CTBP2: variants seen among roughly 807,000 people sequenced by gnomAD.
The protein encoded by CTBP2 is C-terminal-binding protein 2.
A neutral mutation model predicts 80.3 loss-of-function variants in CTBP2; 30 were observed. That is an observed-to-expected ratio of 0.37 (90% CI 0.28 to 0.51). The LOEUF is 0.51. CTBP2 is among the 20% of genes least tolerant of loss of function. The probability of loss-of-function intolerance (pLI) is 0.93; values close to 1 mark genes in which losing one functional copy is unlikely to be tolerated. For missense variants in CTBP2, 1,212 were observed against 1,375.3 expected (o/e 0.88, Z 1.88); for synonymous variants, 594 against 587.4 (o/e 1.01, Z -0.16).
At chr10:125,081,672 G>GA (rs79501553) in intron 2 of CTBP2, among the ~76,000 whole-genome samples, 17 of 146,800 alleles carry the variant, frequency 1.2e-4, no homozygotes, top group East Asian at 3.9e-4. Context: ...AAGTTAAAGG[G>GA]AAAAAAAAAA....
chr10:125,062,596 G>A (rs2135364332), intron 2 of CTBP2, among the ~76,000 whole-genome samples: 1 of 152,302 alleles, frequency 6.6e-6, no homozygotes, highest in South Asian at 2.1e-4. Flanking sequence ...GGGTGCGGTA[G>A]CTCACACCTA....
chr10:125,105,077 T>G (rs1242134623), intron 2 of CTBP2, among the ~76,000 whole-genome samples: 1 of 152,222 alleles, frequency 6.6e-6, no homozygotes, highest in Non-Finnish European at 1.5e-5. Context: ...CACAGTGCAC[T>G]GCAGACGTGA....
chr10:125,156,702 A>AGCTG (rs1860979400), intron 1 of CTBP2, among the ~76,000 whole-genome samples: 1 of 152,200 alleles, frequency 6.6e-6, no homozygotes, highest in Non-Finnish European at 1.5e-5. Flanking sequence ...TTTGCCTTGT[A>AGCTG]GCTGGCTACT....
At chr10:125,046,452 C>T (rs193296698) in intron 2 of CTBP2, among the ~76,000 whole-genome samples, 26 of 149,820 alleles carry the variant, frequency 1.7e-4, no homozygotes, top group East Asian at 2.0e-4. Context: ...GCATGAGAAT[C>T]GCTTGAACCC....
In CTBP2 at chr10:124,989,656, A is replaced by G; in HGVS notation, c.2820T>C (p.Pro940=). 1 of 1,606,334 alleles carries G rather than the reference A, an allele frequency of 6.2e-7. No individual in the cohort carries two copies. Among genetic ancestry groups the G allele is most frequent in the Non-Finnish European group, 8.5e-7 (1 of 1,175,652 alleles). The change falls in exon 9 of 9, where the codon CCT becomes CCC. Residue 940 remains proline, a synonymous_variant. Coordinates refer to ENST00000309035, the MANE Select transcript of CTBP2 (RefSeq NM_022802.3). ...CAGGGATGATCCCTTCCATGGCTGCAGGAAGTCCTCCTGGAGCCACACCCA... is the reference window on the plus strand; with the variant it reads ...CAGGGATGATCCCTTCCATGGCTGCGGGAAGTCCTCCTGGAGCCACACCCA...
At chr10:125,051,479 A>G (rs1049497292) in intron 2 of CTBP2, among the ~76,000 whole-genome samples, 2 of 152,136 alleles carry the variant, frequency 1.3e-5, no homozygotes, top group African/African-American at 4.8e-5. Flanking sequence ...ATCTCTACTA[A>G]AAATACAAAA....
At position 124,986,271 on chromosome 10, in the gene CTBP2, A is replaced by ACGCACG. The variant is rs1169559322; in HGVS notation, c.*3246_*3247insCGTGCG. On this transcript the variant is annotated 3_prime_UTR_variant, in exon 9 of 9. Transcript: ENST00000309035. ...ATGTGGCCAGGAATTTGGAAAGACG[A>ACGCACG]CACACGCACGCGCGCGCGCGCACAC... The ACGCACG allele has an allele frequency of 4.8e-5, 2 of 41,942 alleles. No homozygotes were observed. The highest frequency in any genetic ancestry group is 1.2e-4 in the Non-Finnish European group (2 of 16,194). The allele number at this position is 41,942 out of a possible 1,614,324, so 2.6% of individuals were successfully genotyped here.
In CTBP2 at chr10:125,073,807, G is replaced by A. The variant is rs541268592; in HGVS notation, c.-101-34652C>T. ...CCAGCATCTCTGCGTGCTGCCCCCC[G>A]GAAAGGGTCCGGACATGGCGACATA... On this transcript the variant is annotated intron_variant, in intron 2 of 10. Coordinates refer to the CTBP2 transcript ENST00000337195. 1.3e-4 allele frequency among the ~76,000 whole-genome samples: 20 copies of A among 151,940 alleles called. 1 individual carries two copies. Among genetic ancestry groups the A allele is most frequent in the South Asian group, 1.0e-3 (5 of 4,824 alleles).
At chr10:125,072,386 G>A (rs1423583823) in intron 2 of CTBP2, among the ~76,000 whole-genome samples, 1 of 152,034 alleles carries the variant, frequency 6.6e-6, no homozygotes, top group Non-Finnish European at 1.5e-5. Flanking sequence ...AGGCCAAGGT[G>A]GGTGAATTAC....
intron 8 of CTBP2, among the ~76,000 whole-genome samples, chr10:124,991,170 C>T (rs7902120): frequency 0.59 from 90,030 of 152,110 alleles, 30,294 homozygotes; most frequent in Non-Finnish European, 0.75. Flanking sequence ...ACAGGGTCCT[C>T]GGGCAAAGTG....
intron 1 of CTBP2, among the ~76,000 whole-genome samples, chr10:125,155,658 T>C (rs1369008658): frequency 6.6e-6 from 1 of 151,424 alleles, no homozygotes; most frequent in African/African-American, 2.4e-5. Flanking sequence ...TTATTAAATA[T>C]AATTTTCCAA....
chr10:125,021,744 C>T (rs1306952402), intron 1 of CTBP2, among the ~76,000 whole-genome samples: 1 of 152,178 alleles, frequency 6.6e-6, no homozygotes, highest in Non-Finnish European at 1.5e-5. Context: ...CCCAGGGGCA[C>T]ACTGAATGCA....
chr10:125,061,991 G>A, intron 2 of CTBP2, among the ~76,000 whole-genome samples: 1 of 152,218 alleles, frequency 6.6e-6, no homozygotes, highest in East Asian at 1.9e-4. Context: ...TGGGGTGGAG[G>A]TGGGACCGAA....
At chr10:125,159,423 G>GCGCCCGC (rs1861547844) in intron 1 of CTBP2, among the ~76,000 whole-genome samples, 1 of 142,262 alleles carries the variant, frequency 7.0e-6, no homozygotes, top group Non-Finnish European at 1.5e-5. Context: ...GCCCCCGCCC[G>GCGCCCGC]CGCCCGCCGC....
At chr10:125,126,645 G>A (rs183886213) in intron 1 of CTBP2, among the ~76,000 whole-genome samples, 189 of 152,318 alleles carry the variant, frequency 1.2e-3, no homozygotes, top group Middle Eastern at 6.8e-3. Flanking sequence ...CGCACCTCCC[G>A]GCCTCGGCCC....
intron 2 of CTBP2, among the ~76,000 whole-genome samples, chr10:125,067,118 T>C (rs58622936): frequency 0.022 from 3,404 of 152,306 alleles, 82 homozygotes; most frequent in East Asian, 0.083. Context: ...AATTTTTTTA[T>C]TTAGAGATTA....
intron 2 of CTBP2, among the ~76,000 whole-genome samples, chr10:125,043,018 T>C (rs1960278789): frequency 6.6e-6 from 1 of 152,162 alleles, no homozygotes; most frequent in Non-Finnish European, 1.5e-5. Flanking sequence ...GGCTGAAATA[T>C]TTGGTGCCAA....
At position 125,026,353 on chromosome 10, in the gene CTBP2, T is replaced by C; in HGVS notation, c.1407A>G (p.Ser469=). ...TTCTGGGGCCTGGGTGAAGGGGGTT[T>C]GAGGGGCCCGGGTTAGTCAAGGCCA... is the stretch of plus-strand genomic sequence containing the variant. The change falls in exon 1 of 9, where the codon TCA becomes TCG. Residue 469 remains serine, a synonymous_variant. Coordinates refer to ENST00000309035, the MANE Select transcript of CTBP2 (RefSeq NM_022802.3). 1 of 1,613,562 alleles carries C rather than the reference T, an allele frequency of 6.2e-7. No homozygotes were observed. Among genetic ancestry groups the C allele is most frequent in the Non-Finnish European group, 8.5e-7 (1 of 1,179,864 alleles).
chr10:125,009,002 A>C (rs1955563248), intron 1 of CTBP2, among the ~76,000 whole-genome samples: 1 of 152,168 alleles, frequency 6.6e-6, no homozygotes, highest in Admixed American at 6.5e-5. Context: ...CTCTTTAAAA[A>C]AGTTCTAAGT....
Sources: allele counts gnomAD v4.1 joint callset (sites outside exome capture counted in the v4.1 genomes callset), GRCh38; gene constraint gnomAD v4.1.1; transcripts MANE v1.5; gene names NCBI Gene and HGNC (gene_info 2026-07-23, HGNC 2026-07-21).